Variants in PALB2 observed in about 807,000 individuals in gnomAD.
PALB2 encodes partner and localizer of BRCA2.
Under a neutral mutation model 107.4 loss-of-function variants are expected in PALB2, and 82 were observed. The observed-to-expected ratio is 0.76, with a 90% CI of 0.64 to 0.92. PALB2 has a LOEUF of 0.92. Among genes scored for constraint, PALB2 ranks in the 40% least tolerant of loss-of-function variants. The pLI is 0.00. For synonymous variants in PALB2, 489 were observed against 496.8 expected (o/e 0.98, Z 0.21); for missense variants, 1,374 against 1,379.9 (o/e 1.00, Z 0.07).
intron 1 of PALB2, 111 bp from the exon 2 acceptor site, chr16:23,638,240 T>C (rs1967116419): frequency 2.5e-6 from 2 of 816,214 alleles, no homozygotes; most frequent in South Asian, 2.7e-5. Context: ...GTAGCACTGG[T>C]CCATAACAAT....
At position 23,634,737 on chromosome 16, in the gene PALB2, C is replaced by T. The variant is rs1457981371; in HGVS notation, c.1684+125G>A. On this transcript the variant is annotated intron_variant, in intron 4 of 12. Transcript: ENST00000261584. ...TCAGCCTCCCAAAGTGCTGGGATTA[C>T]AGACGTAAGCCACCACACTTGGCCC... is the stretch of plus-strand genomic sequence containing the variant. 1.4e-5 allele frequency: 18 copies of T among 1,329,868 alleles called. No homozygotes were observed. The East Asian group carries it at 3.3e-4, about 24-fold the overall frequency. The allele number at this position is 1,329,868 out of a possible 1,614,324, so 82.4% of individuals were successfully genotyped here. A position where few individuals can be genotyped will look rare whatever the true frequency, so the allele number is the denominator to read the frequency against.
chr16:23,626,900 C>T (rs985198382), intron 6 of PALB2, among the ~76,000 whole-genome samples: 2 of 151,984 alleles, frequency 1.3e-5, no homozygotes, highest in African/African-American at 4.8e-5. Context: ...GGGTTACAGG[C>T]ATGAGCCACC....
At chr16:23,605,485 T>G (rs1319136966) in intron 12 of PALB2, among the ~76,000 whole-genome samples, 1 of 152,206 alleles carries the variant, frequency 6.6e-6, no homozygotes, top group Non-Finnish European at 1.5e-5. Flanking sequence ...CTCAGCTCAC[T>G]GCAACCTCTG....
At chr16:23,639,686 G>T (rs1967163166) in intron 1 of PALB2, among the ~76,000 whole-genome samples, 1 of 151,604 alleles carries the variant, frequency 6.6e-6, no homozygotes, top group Non-Finnish European at 1.5e-5. Context: ...CCGGCGTGGT[G>T]TTGGGCGTCT....
intron 8 of PALB2, 71 bp downstream of exon 8, chr16:23,623,938 A>T: frequency 1.0e-6 from 1 of 984,634 alleles, no homozygotes; most frequent in Non-Finnish European, 1.6e-6. Context: ...CTAGGTTATT[A>T]CCTGCACTTA....
intron 12 of PALB2, among the ~76,000 whole-genome samples, chr16:23,604,278 G>A (rs567283564): frequency 6.6e-6 from 1 of 152,342 alleles, no homozygotes; most frequent in East Asian, 1.9e-4. Context: ...GGGCTCTGCA[G>A]TCAGCTACCT....
At position 23,641,214 on chromosome 16, in the gene PALB2, C is replaced by T. The variant is rs1485719240; in HGVS notation, c.-57G>A. The T allele has an allele frequency of 1.3e-6, 2 of 1,592,818 alleles. No homozygotes were observed. The highest frequency in any genetic ancestry group is 8.5e-7 in the Non-Finnish European group (1 of 1,169,616). Reference sequence around the variant, plus strand: ...TCGCCGACCCCAGGCCTGCCGACACCGGGACCCAGTTGGCCCTGGGCCGGG... The same window carrying T: ...TCGCCGACCCCAGGCCTGCCGACACTGGGACCCAGTTGGCCCTGGGCCGGG... On this transcript the variant is annotated 5_prime_UTR_variant, in exon 1 of 13. Coordinates refer to ENST00000261584, the MANE Select transcript of PALB2 (RefSeq NM_024675.4).
chr16:23,619,552 C>T (rs184524590), intron 10 of PALB2, among the ~76,000 whole-genome samples: 24 of 151,708 alleles, frequency 1.6e-4, no homozygotes, highest in Admixed American at 5.9e-4. Context: ...TTAGTAGAGA[C>T]GCCACACTTA....
In PALB2 at chr16:23,603,225, T is replaced by C; in HGVS notation, c.*234A>G. 4.0e-6 allele frequency: 2 copies of C among 503,434 alleles called. No homozygotes were observed. Among genetic ancestry groups the C allele is most frequent in the Non-Finnish European group, 7.2e-6 (2 of 278,638 alleles). The allele number at this position is 503,434 out of a possible 1,614,324, so 31.2% of individuals were successfully genotyped here. On this transcript the variant is annotated 3_prime_UTR_variant, in exon 13 of 13. Transcript: ENST00000261584. Reference sequence around the variant, plus strand: ...TTATGTACACCTTTAAAAGCACATGTACAAATGTGGGAAATTACAAAAATC... The same window carrying C: ...TTATGTACACCTTTAAAAGCACATGCACAAATGTGGGAAATTACAAAAATC...
At chr16:23,623,881 C>A in intron 8 of PALB2, 128 bp downstream of exon 8, 2 of 698,166 alleles carry the variant, frequency 2.9e-6, no homozygotes, top group Non-Finnish European at 2.5e-6. Flanking sequence ...TTTTTTTAAA[C>A]AAATCTCTCT....
rs515726114 is a variant in PALB2, at chr16:23,607,853, T to C, written c.3350+11A>G. 1.2e-5 allele frequency: 20 copies of C among 1,613,700 alleles called. No homozygotes were observed. The highest frequency in any genetic ancestry group is 1.7e-5 in the Non-Finnish European group (20 of 1,179,916). ...TGTCCCACCCATAGAGTAGCAGTTA[T>C]GCACACTTGCCTGCCAGCCTGCCCT... On this transcript the variant is annotated intron_variant, in intron 12 of 12. Transcript: ENST00000261584.
At chr16:23,621,854 A>G (rs1416400389) in intron 9 of PALB2, among the ~76,000 whole-genome samples, 1 of 151,928 alleles carries the variant, frequency 6.6e-6, no homozygotes, top group Non-Finnish European at 1.5e-5. Flanking sequence ...TAATACCCAC[A>G]TTTCGAGCTT....
At chr16:23,622,192 C>T (rs532297746) in intron 9 of PALB2, among the ~76,000 whole-genome samples, 21 of 152,184 alleles carry the variant, frequency 1.4e-4, no homozygotes, top group Non-Finnish European at 2.9e-4. Flanking sequence ...CAGTTTGCAA[C>T]ATTTTGAATT....
chr16:23,635,049 C>T lies in PALB2; in HGVS notation c.1497G>A (p.Leu499=), dbSNP rs748315431. 1.3e-5 allele frequency: 21 copies of T among 1,614,118 alleles called. No homozygotes were observed. Among genetic ancestry groups the T allele is most frequent in the Non-Finnish European group, 1.7e-5 (20 of 1,180,032 alleles). Residue 499 remains leucine, a synonymous_variant, in exon 4 of 13, where the codon TTG becomes TTA. Coordinates refer to ENST00000261584, the MANE Select transcript of PALB2 (RefSeq NM_024675.4). Reference sequence around the variant, plus strand: ...GTGCTTGGGCAACTGCCTTCCTAGACAAGTCATTATCTTCAGTGGGCCCAG... The same window carrying T: ...GTGCTTGGGCAACTGCCTTCCTAGATAAGTCATTATCTTCAGTGGGCCCAG... The part of the protein sequence containing the change: ...SPAGPTEDND[L]SRKAVAQAPG...
rs545664784 is a variant in PALB2, at chr16:23,606,821, C to CTTTTTTT, written c.3350+1036_3350+1042dup. On this transcript the variant is annotated intron_variant, in intron 12 of 12. Coordinates refer to ENST00000261584, the MANE Select transcript of PALB2 (RefSeq NM_024675.4). ...TACAGGCGTGAGCCACTGCACCCTG[C>CTTTTTTT]TTTTTTTTTTTTTTTTTTGAGACGG... Among the ~76,000 whole-genome samples, 245 of 108,524 alleles carry CTTTTTTT rather than the reference C, an allele frequency of 2.3e-3. 10 individuals are homozygous for CTTTTTTT. Among genetic ancestry groups the CTTTTTTT allele is most frequent in the Middle Eastern group, 7.1e-3 (1 of 140 alleles). 71.2% of individuals were successfully genotyped at this position (108,524 alleles called of 152,430 possible). A position where few individuals can be genotyped will look rare whatever the true frequency, so the allele number is the denominator to read the frequency against.
rs180177137 is a variant in PALB2 at position 23,603,587 on chromosome 16, C to T, written c.3433G>A (p.Gly1145Ser). ...GGTGGGAGGAGGGCAGTACACTGAC[C>T]GAGAAGTAAGTCCCAAATGGCAATT... The part of the protein sequence containing the change: ...GTIAIWDLLL[G>S]QCTALLPPVS... The change falls in exon 13 of 13, where the codon GGT (glycine) becomes AGT (serine). Residue 1145 changes from glycine (G) to serine (S), a missense_variant. Physicochemically the swap from Gly to Ser is moderately conservative, Grantham distance 56. Transcript: ENST00000261584. 6 of 1,613,988 alleles carry T rather than the reference C, an allele frequency of 3.7e-6. No homozygotes were observed. Among genetic ancestry groups the T allele is most frequent in the Admixed American group, 1.7e-5 (1 of 59,984 alleles).
rs749756493 is a variant in PALB2, at chr16:23,626,221, G to A, written c.2748+15C>T. ...TGGCTGCAAAGATCTCTTTCAGCTCGAGATTCCCACTTACCTCTGCGAAGT... is the reference window on the plus strand; with the variant it reads ...TGGCTGCAAAGATCTCTTTCAGCTCAAGATTCCCACTTACCTCTGCGAAGT... On this transcript the variant is annotated intron_variant, in intron 7 of 12. Coordinates refer to ENST00000261584, the MANE Select transcript of PALB2 (RefSeq NM_024675.4). The A allele has an allele frequency of 4.1e-5, 66 of 1,613,988 alleles. No homozygotes were observed. The highest frequency in any genetic ancestry group is 5.3e-5 in the Non-Finnish European group (62 of 1,180,016).
At position 23,636,296 on chromosome 16, in the gene PALB2, TG is replaced by T; in HGVS notation, c.249del (p.His83GlnfsTer94). 2 of 1,613,516 alleles carry T rather than the reference TG, an allele frequency of 1.2e-6. No homozygotes were observed. The highest frequency in any genetic ancestry group is 1.7e-6 in the Non-Finnish European group (2 of 1,179,652). On this transcript the variant is annotated frameshift_variant, in exon 4 of 13. Coordinates refer to ENST00000261584, the MANE Select transcript of PALB2 (RefSeq NM_024675.4). LOFTEE classifies it high-confidence loss of function. Reference protein sequence around the residue: ...KNKICVYDKLHIKTHLDEETG... With the variant: ...KNKICVYDKLXIKTHLDEETG... Reference sequence around the variant, plus strand: ...GTTTCTTCATCAAGATGGGTTTTGATGTGTAACTTGTCATAAACACATATTT... The same window carrying T: ...GTTTCTTCATCAAGATGGGTTTTGATTGTAACTTGTCATAAACACATATTT...
At chr16:23,622,387 TTGTGTGTGTGTG>T (rs142078087) in intron 9 of PALB2, among the ~76,000 whole-genome samples, 2 of 148,822 alleles carry the variant, frequency 1.3e-5, no homozygotes, top group East Asian at 3.9e-4. Flanking sequence ...TTAAAAATAT[TTGTGTGTGTGTG>T]TGTGTGTGTG....
Sources: allele counts gnomAD v4.1 joint callset (sites outside exome capture counted in the v4.1 genomes callset), GRCh38; gene constraint gnomAD v4.1.1; transcripts MANE v1.5; gene names NCBI Gene and HGNC (gene_info 2026-07-23, HGNC 2026-07-21).